Variants in HECW2 observed in about 807,000 individuals in gnomAD.
The protein encoded by HECW2 is E3 ubiquitin-protein ligase HECW2.
A neutral mutation model predicts 175.2 loss-of-function variants in HECW2; 61 were observed. The observed-to-expected ratio is 0.35, with a 90% CI of 0.28 to 0.43. HECW2 has a LOEUF of 0.43. Among genes scored for constraint, HECW2 ranks in the 20% least tolerant of loss-of-function variants. HECW2 has a pLI of 1.00. For synonymous variants in HECW2, 671 were observed against 731.0 expected (o/e 0.92, Z 1.32); for missense variants, 1,524 against 2,000.5 (o/e 0.76, Z 4.54).
intron 1 of HECW2, among the ~76,000 whole-genome samples, chr2:196,563,437 A>G (rs1690073834): frequency 6.6e-6 from 1 of 152,050 alleles, no homozygotes; most frequent in African/African-American, 2.4e-5. Flanking sequence ...GTGGTGGCGG[A>G]CACCTGTAAT....
chr2:196,328,205 C>T (rs919432956), intron 5 of HECW2, among the ~76,000 whole-genome samples: 4 of 152,144 alleles, frequency 2.6e-5, no homozygotes, highest in African/African-American at 9.7e-5. Flanking sequence ...ACCCTCAATA[C>T]TGTGAAGGTT....
At chr2:196,571,971 A>G (rs1007241941) in intron 1 of HECW2, among the ~76,000 whole-genome samples, 2 of 152,228 alleles carry the variant, frequency 1.3e-5, no homozygotes, top group Non-Finnish European at 2.9e-5. Context: ...AAATTCTGAC[A>G]CATACTACAA....
At chr2:196,248,295 C>A (rs928559099) in intron 19 of HECW2, among the ~76,000 whole-genome samples, 1 of 152,142 alleles carries the variant, frequency 6.6e-6, no homozygotes, top group African/African-American at 2.4e-5. Context: ...ATAGCAGGCA[C>A]CCTCTGATAG....
At chr2:196,419,514 C>T (rs191451833) in intron 2 of HECW2, among the ~76,000 whole-genome samples, 3 of 152,354 alleles carry the variant, frequency 2.0e-5, no homozygotes, top group Admixed American at 1.3e-4. Flanking sequence ...CTTCCCATCT[C>T]TGAACCCATC....
intron 1 of HECW2, among the ~76,000 whole-genome samples, chr2:196,516,114 G>A (rs919147786): frequency 6.6e-6 from 1 of 152,146 alleles, no homozygotes; most frequent in Non-Finnish European, 1.5e-5. Context: ...TCCAGCCTGG[G>A]TGACAGAGCA....
intron 28 of HECW2, among the ~76,000 whole-genome samples, chr2:196,203,446 G>A (rs1416406087): frequency 1.3e-5 from 2 of 152,152 alleles, no homozygotes; most frequent in East Asian, 3.8e-4. Flanking sequence ...TGTTCCAGGG[G>A]TAGGGGAGGA....
At chr2:196,250,934 C>T (rs1024648805) in intron 19 of HECW2, among the ~76,000 whole-genome samples, 14 of 152,162 alleles carry the variant, frequency 9.2e-5, no homozygotes, top group African/African-American at 3.1e-4. Context: ...AATCATGATC[C>T]GGTTTATAAC....
intron 21 of HECW2, among the ~76,000 whole-genome samples, chr2:196,231,457 C>G (rs892221582): frequency 6.6e-6 from 1 of 152,312 alleles, no homozygotes; most frequent in East Asian, 1.9e-4. Flanking sequence ...GTTGGCAAAC[C>G]TGCAGGTCCA....
chr2:196,497,135 C>A (rs1687420283), intron 1 of HECW2, among the ~76,000 whole-genome samples: 1 of 152,132 alleles, frequency 6.6e-6, no homozygotes, highest in Admixed American at 6.6e-5. Context: ...ATTCTCAAAT[C>A]CCAATTCTAA....
intron 2 of HECW2, among the ~76,000 whole-genome samples, chr2:196,423,436 A>G (rs1285751526): frequency 6.6e-6 from 1 of 152,134 alleles, no homozygotes; most frequent in Non-Finnish European, 1.5e-5. Flanking sequence ...AGAGCTTCTC[A>G]AAGTGTGCTG....
rs1459740971 is a variant in HECW2 at position 196,228,267 on chromosome 2, T to A, written c.3765-13A>T. 1 of 1,583,328 alleles carries A rather than the reference T, an allele frequency of 6.3e-7. No individual in the cohort carries two copies. ...ACTGTAATCCAGCCTGTAACAAAAA[T>A]CCACAAAAAGAATAATCTGTTACTT... On this transcript the variant is annotated splice_polypyrimidine_tract_variant and intron_variant, in intron 21 of 28. Transcript: ENST00000644978.
rs76239680 is a variant in HECW2 at position 196,436,570 on chromosome 2, C to T, written c.-35-3112G>A. 8.2e-3 allele frequency among the ~76,000 whole-genome samples: 1,243 copies of T among 152,128 alleles called. 11 individuals carry two copies. Among genetic ancestry groups the T allele is most frequent in the Admixed American group, 0.026 (398 of 15,278 alleles). ...GCCTGCATTCTAACAAGAAAAGACA[C>T]GCAACTAAGGGCCAAAAACCAAATA... On this transcript the variant is annotated intron_variant, in intron 1 of 28. Transcript: ENST00000644978.
chr2:196,550,196 G>A (rs1418708322), intron 1 of HECW2, among the ~76,000 whole-genome samples: 2 of 152,198 alleles, frequency 1.3e-5, no homozygotes, highest in African/African-American at 4.8e-5. Flanking sequence ...TATAAAGGTA[G>A]ACTGACTGAC....
intron 2 of HECW2, among the ~76,000 whole-genome samples, chr2:196,408,524 T>A (rs1695024553): frequency 6.6e-6 from 1 of 152,172 alleles, no homozygotes; most frequent in Non-Finnish European, 1.5e-5. Context: ...AGGATTGCCA[T>A]AATTAGGTTA....
At chr2:196,302,882 C>T (rs1160085183) in intron 13 of HECW2, among the ~76,000 whole-genome samples, 2 of 152,198 alleles carry the variant, frequency 1.3e-5, no homozygotes, top group East Asian at 3.8e-4. Context: ...GACTTCCTTT[C>T]TTCCTAGCTG....
At chr2:196,466,381 C>T (rs1269406614) in intron 1 of HECW2, among the ~76,000 whole-genome samples, 1 of 152,200 alleles carries the variant, frequency 6.6e-6, no homozygotes, top group East Asian at 1.9e-4. Context: ...TATCCAAATC[C>T]ATTCTGTCCC....
chr2:196,570,477 C>T lies in HECW2; in HGVS notation c.-36+23031G>A, dbSNP rs544298662. ...CAGAAACCCAAACACTGCATGTTCTCACTCATAGGTGAGAATTAAACAATG... is the reference window on the plus strand; with the variant it reads ...CAGAAACCCAAACACTGCATGTTCTTACTCATAGGTGAGAATTAAACAATG... On this transcript the variant is annotated intron_variant, in intron 1 of 28. Transcript: ENST00000644978. Among the ~76,000 whole-genome samples the T allele has an allele frequency of 1.5e-4, 23 of 152,224 alleles. 1 individual carries two copies. In the South Asian group the frequency reaches 4.6e-3, roughly 30 times the overall value.
chr2:196,518,205 TG>T (rs1281960764), intron 1 of HECW2, among the ~76,000 whole-genome samples: 2 of 152,038 alleles, frequency 1.3e-5, no homozygotes, highest in African/African-American at 4.8e-5. Context: ...TCCAAAAATG[TG>T]ATTAAAAAAT....
intron 2 of HECW2, among the ~76,000 whole-genome samples, chr2:196,370,775 G>A (rs942102884): frequency 1.3e-5 from 2 of 152,152 alleles, no homozygotes; most frequent in African/African-American, 4.8e-5. Flanking sequence ...GCTAGGTTCT[G>A]CCCAGCGTTG....
Sources: gnomAD v4.1 joint callset for allele counts (sites outside exome capture counted in the v4.1 genomes callset) on GRCh38, gnomAD v4.1.1 for gene constraint, MANE v1.5 for transcripts, NCBI Gene and HGNC (gene_info 2026-07-23, HGNC 2026-07-21) for gene names.